VAV3: variants seen among roughly 807,000 people sequenced by gnomAD.
VAV3 encodes the protein guanine nucleotide exchange factor VAV3.
VAV3 carries 94 observed loss-of-function variants against 131.2 expected under a neutral mutation model. The observed-to-expected ratio is 0.72, with a 90% CI of 0.61 to 0.85. VAV3 has a LOEUF of 0.85. Ranked by LOEUF, VAV3 falls within the 40% of genes least tolerant of loss-of-function variation. The pLI, the probability that VAV3 is intolerant of heterozygous loss-of-function variation, is 0.00. For missense variants in VAV3, 939 were observed against 1,002.7 expected (o/e 0.94, Z 0.86); for synonymous variants, 349 against 342.0 (o/e 1.02, Z -0.22).
chr1:107,577,012 T>C (rs929704543), intron 25 of VAV3, among the ~76,000 whole-genome samples: 3 of 131,520 alleles, frequency 2.3e-5, no homozygotes, highest in African/African-American at 7.8e-5. Flanking sequence ...CTGACTCTTA[T>C]AGCTGGAAAA....
In VAV3 at chr1:107,934,160, A is replaced by G. The variant is rs190161471; in HGVS notation, c.204+30506T>C. On this transcript the variant is annotated intron_variant, in intron 1 of 26. Coordinates refer to ENST00000370056, the MANE Select transcript of VAV3 (RefSeq NM_006113.5). ...ATTATCTTGGAATTATAAGAACTCT[A>G]TGGTTTATTCTTTAAATAATTATAT... 2.6e-3 allele frequency among the ~76,000 whole-genome samples: 401 copies of G among 152,338 alleles called. 1 individual carries two copies. Among genetic ancestry groups the G allele is most frequent in the African/African-American group, 9.0e-3 (375 of 41,578 alleles).
At chr1:107,949,293 T>C (rs1011945264) in intron 1 of VAV3, among the ~76,000 whole-genome samples, 1 of 148,270 alleles carries the variant, frequency 6.7e-6, no homozygotes. Context: ...AACAATCTTT[T>C]TTCTTTTTGT....
intron 12 of VAV3, among the ~76,000 whole-genome samples, chr1:107,752,509 T>C (rs1377897205): frequency 2.0e-5 from 3 of 151,926 alleles, no homozygotes; most frequent in African/African-American, 7.3e-5. Context: ...ATCAACAGAG[T>C]GAAAAGCCAA....
intron 18 of VAV3, among the ~76,000 whole-genome samples, chr1:107,688,159 C>T (rs1165092170): frequency 6.6e-6 from 1 of 152,162 alleles, no homozygotes; most frequent in African/African-American, 2.4e-5. Flanking sequence ...ATTAAATATT[C>T]ACATTTTTTC....
intron 2 of VAV3, among the ~76,000 whole-genome samples, chr1:107,804,581 T>C (rs1225734901): frequency 2.6e-5 from 4 of 152,156 alleles, no homozygotes; most frequent in Admixed American, 6.6e-5. Context: ...AATTTACACA[T>C]TTTTGTATTG....
rs796941492 is a variant in VAV3, at chr1:107,796,790, TAA to T, written c.322-17300_322-17299del. Among the ~76,000 whole-genome samples the T allele has an allele frequency of 3.7e-3, 488 of 132,232 alleles. 1 individual carries two copies. Among genetic ancestry groups the T allele is most frequent in the African/African-American group, 0.012 (446 of 37,120 alleles). The allele number at this position is 132,232 out of a possible 152,430, so 86.7% of individuals were successfully genotyped here. ...CAAGAAATAGACATGCTGTTATTTG[TAA>T]AAAAAAAAAAAAATATATATATATA... On this transcript the variant is annotated intron_variant, in intron 2 of 26. Coordinates refer to ENST00000370056, the MANE Select transcript of VAV3 (RefSeq NM_006113.5).
intron 2 of VAV3, among the ~76,000 whole-genome samples, chr1:107,804,008 G>A (rs80235198): frequency 6.6e-6 from 1 of 151,784 alleles, no homozygotes; most frequent in South Asian, 2.1e-4. Context: ...TCTCTATTAG[G>A]CAGAGTCTAA....
intron 1 of VAV3, among the ~76,000 whole-genome samples, chr1:107,877,392 C>G (rs907698799): frequency 6.6e-6 from 1 of 152,172 alleles, no homozygotes; most frequent in African/African-American, 2.4e-5. Context: ...GCACACACCA[C>G]GCTCTGAAGA....
At chr1:107,954,382 C>G (rs1674697264) in intron 1 of VAV3, among the ~76,000 whole-genome samples, 1 of 152,144 alleles carries the variant, frequency 6.6e-6, no homozygotes, top group Non-Finnish European at 1.5e-5. Context: ...CAGCTACACT[C>G]ACTTTCTCTC....
chr1:107,591,711 C>T (rs1175290352), intron 25 of VAV3, among the ~76,000 whole-genome samples: 1 of 152,146 alleles, frequency 6.6e-6, no homozygotes, highest in Admixed American at 6.6e-5. Flanking sequence ...GGAATTCCCA[C>T]ATATTTTTCA....
intron 1 of VAV3, among the ~76,000 whole-genome samples, chr1:107,899,995 T>G (rs1671778176): frequency 6.6e-6 from 1 of 152,196 alleles, no homozygotes; most frequent in African/African-American, 2.4e-5. Flanking sequence ...TTTTTTATAT[T>G]CATACACTTT....
intron 9 of VAV3, among the ~76,000 whole-genome samples, chr1:107,761,932 TA>T (rs1664459700): frequency 6.6e-6 from 1 of 152,164 alleles, no homozygotes; most frequent in Non-Finnish European, 1.5e-5. Flanking sequence ...TCTTCTTTCC[TA>T]AAGGTTTATT....
intron 17 of VAV3, among the ~76,000 whole-genome samples, chr1:107,703,045 A>G (rs1281881192): frequency 1.3e-5 from 2 of 152,080 alleles, no homozygotes; most frequent in Non-Finnish European, 2.9e-5. Context: ...ATTCTCCTAC[A>G]CTATTTCCTT....
chr1:107,813,011 T>C (rs1281668249), intron 2 of VAV3, among the ~76,000 whole-genome samples: 2 of 151,324 alleles, frequency 1.3e-5, no homozygotes, highest in African/African-American at 2.4e-5. Flanking sequence ...TAGTCCCAGC[T>C]ACTTGGGAGG....
chr1:107,782,201 T>A (rs987065998), intron 2 of VAV3, among the ~76,000 whole-genome samples: 3 of 152,232 alleles, frequency 2.0e-5, no homozygotes, highest in African/African-American at 7.2e-5. Flanking sequence ...ATTGCTATTC[T>A]ATTATGTATT....
intron 21 of VAV3, among the ~76,000 whole-genome samples, chr1:107,616,237 C>A (rs977406566): frequency 6.6e-6 from 1 of 152,126 alleles, no homozygotes; most frequent in African/African-American, 2.4e-5. Flanking sequence ...TACATATACA[C>A]CATGGAATAC....
chr1:107,709,793 G>A (rs746878898), intron 15 of VAV3, among the ~76,000 whole-genome samples: 38 of 152,154 alleles, frequency 2.5e-4, no homozygotes, highest in Non-Finnish European at 2.9e-4. Flanking sequence ...GAAAGGACGT[G>A]TTTGTCTCCC....
intron 1 of VAV3, among the ~76,000 whole-genome samples, chr1:107,918,194 C>A (rs769891483): frequency 6.6e-6 from 1 of 152,030 alleles, no homozygotes; most frequent in Non-Finnish European, 1.5e-5. Context: ...CACACACAGG[C>A]AGGGTTGGGA....
chr1:107,604,704 T>G (rs1652135865), intron 22 of VAV3, among the ~76,000 whole-genome samples: 1 of 152,202 alleles, frequency 6.6e-6, no homozygotes, highest in Non-Finnish European at 1.5e-5. Flanking sequence ...TTATTCTCAT[T>G]ACAGTATTCC....
Sources: gnomAD v4.1 joint callset for allele counts (sites outside exome capture counted in the v4.1 genomes callset) on GRCh38, gnomAD v4.1.1 for gene constraint, MANE v1.5 for transcripts, NCBI Gene and HGNC (gene_info 2026-07-23, HGNC 2026-07-21) for gene names.